ASPRV1: variants seen among roughly 807,000 people sequenced by gnomAD.
ASPRV1 encodes retroviral-like aspartic protease 1.
A neutral mutation model predicts 11.0 loss-of-function variants in ASPRV1; 7 were observed. The observed-to-expected ratio is 0.64, with a 90% CI of 0.36 to 1.20. ASPRV1 has a LOEUF of 1.20. Ranked by LOEUF, ASPRV1 falls within the 50% of genes most tolerant of loss-of-function variation. The probability of loss-of-function intolerance (pLI) is 0.02; values close to 1 mark genes in which losing one functional copy is unlikely to be tolerated. For synonymous variants in ASPRV1, 136 were observed against 138.4 expected (o/e 0.98, Z 0.12); for missense variants, 299 against 320.0 (o/e 0.93, Z 0.50).
the ASPRV1 span, among the ~76,000 whole-genome samples, chr2:70,010,515 AG>A: frequency 6.6e-6 from 1 of 152,160 alleles, no homozygotes; most frequent in Non-Finnish European, 1.5e-5. Context: ...CAATGAATAC[AG>A]GGGAGTGGCA....
At chr2:69,940,933 C>G in the ASPRV1 span, 2 of 152,676 alleles carry the variant, frequency 1.3e-5, no homozygotes, top group African/African-American at 4.8e-5. Flanking sequence ...CTCTCTCATT[C>G]ACTGATCCAC....
upstream of ASPRV1, among the ~76,000 whole-genome samples, chr2:69,965,001 T>G (rs1433105451): frequency 6.6e-6 from 1 of 152,194 alleles, no homozygotes; most frequent in Non-Finnish European, 1.5e-5. Flanking sequence ...TCGGGCCTCC[T>G]GAGACCTGAA....
the ASPRV1 span, among the ~76,000 whole-genome samples, chr2:70,022,546 G>A: frequency 6.6e-6 from 1 of 152,000 alleles, no homozygotes; most frequent in East Asian, 2.0e-4. Flanking sequence ...AAAGTTAGTG[G>A]GGGCATGGTG....
At chr2:69,966,924 G>A in the ASPRV1 span, among the ~76,000 whole-genome samples, 103 of 152,300 alleles carry the variant, frequency 6.8e-4, no homozygotes, top group Non-Finnish European at 1.3e-3. Flanking sequence ...AAGTGATCCA[G>A]AAGATGTGGG....
At chr2:70,080,258 C>G in the ASPRV1 span, among the ~76,000 whole-genome samples, 1 of 150,956 alleles carries the variant, frequency 6.6e-6, no homozygotes, top group Non-Finnish European at 1.5e-5. Context: ...GACAGTTTCA[C>G]TCTTGTTGCC....
the ASPRV1 span, chr2:69,938,265 A>AG: frequency 6.2e-7 from 1 of 1,614,186 alleles, no homozygotes; most frequent in Admixed American, 1.7e-5. Flanking sequence ...GACAGTCACA[A>AG]GGCGTGTCTT....
the ASPRV1 span, chr2:70,011,577 G>A: frequency 2.0e-5 from 3 of 152,436 alleles, no homozygotes; most frequent in Non-Finnish European, 2.9e-5. Context: ...GATTAACCAA[G>A]ACTGTCTATT....
the ASPRV1 span, among the ~76,000 whole-genome samples, chr2:69,979,502 G>A: frequency 5.3e-5 from 8 of 152,208 alleles, no homozygotes; most frequent in African/African-American, 1.7e-4. Flanking sequence ...GCAGAGGCCT[G>A]TACTATGTCC....
the ASPRV1 span, among the ~76,000 whole-genome samples, chr2:70,017,471 A>C: frequency 6.6e-6 from 1 of 151,654 alleles, no homozygotes; most frequent in Non-Finnish European, 1.5e-5. Flanking sequence ...TCGTAAGATT[A>C]GTAATAAGAC....
At chr2:70,004,340 G>C in the ASPRV1 span, among the ~76,000 whole-genome samples, 5,712 of 152,014 alleles carry the variant, frequency 0.038, 370 homozygotes, top group African/African-American at 0.13. Flanking sequence ...GACCATCCTG[G>C]CCAACATGGT....
the ASPRV1 span, among the ~76,000 whole-genome samples, chr2:70,065,080 G>A: frequency 1.3e-5 from 2 of 151,284 alleles, no homozygotes; most frequent in African/African-American, 4.9e-5. Context: ...GGGCAACAGA[G>A]CCAGACTCCA....
the ASPRV1 span, among the ~76,000 whole-genome samples, chr2:70,067,388 T>C: frequency 6.6e-6 from 1 of 152,234 alleles, no homozygotes; most frequent in Non-Finnish European, 1.5e-5. Context: ...TAATCTGGTC[T>C]AGAGATCTGG....
the ASPRV1 span, among the ~76,000 whole-genome samples, chr2:69,998,964 G>A: frequency 2.0e-5 from 3 of 152,212 alleles, no homozygotes; most frequent in Non-Finnish European, 4.4e-5. Flanking sequence ...CAGCGACACA[G>A]GGACTCTGAG....
the ASPRV1 span, among the ~76,000 whole-genome samples, chr2:69,973,025 A>C: frequency 6.6e-6 from 1 of 152,138 alleles, no homozygotes; most frequent in Admixed American, 6.5e-5. Flanking sequence ...CCTCAGACTA[A>C]GGCAACCTGC....
At chr2:70,057,101 G>T in the ASPRV1 span, among the ~76,000 whole-genome samples, 4 of 151,732 alleles carry the variant, frequency 2.6e-5, no homozygotes, top group Non-Finnish European at 4.4e-5. Flanking sequence ...CAACAGAGAA[G>T]GATATTAAAA....
the ASPRV1 span, among the ~76,000 whole-genome samples, chr2:69,971,468 C>T: frequency 1.3e-5 from 2 of 152,146 alleles, no homozygotes; most frequent in Non-Finnish European, 2.9e-5. Context: ...AACGTTAGGA[C>T]CCTGCCTCTC....
Position 69,961,472 on chromosome 2 carries a change from A to C in ASPRV1, c.-36T>G. 6.2e-7 allele frequency: 1 copy of C among 1,613,906 alleles called. No homozygotes were observed. Among genetic ancestry groups the C allele is most frequent in the Non-Finnish European group, 8.5e-7 (1 of 1,180,000 alleles). On this transcript the variant is annotated 5_prime_UTR_variant, in exon 1 of 1. Transcript: ENST00000320256. ...TCCTCTGGAACCTCAGCAGCAACCC[A>C]CGCCAAGAAGAGAAACCCACAGAGC...
the ASPRV1 span, chr2:70,029,956 C>T: frequency 6.6e-6 from 1 of 152,188 alleles, no homozygotes; most frequent in Non-Finnish European, 1.5e-5. Flanking sequence ...CTTCCCCTCC[C>T]TTTGCTCTGT....
At chr2:69,958,280 C>T (rs149640153), downstream of ASPRV1, among the ~76,000 whole-genome samples, 337 of 152,154 alleles carry the variant, frequency 2.2e-3, 1 homozygote, top group African/African-American at 7.5e-3. Flanking sequence ...CCATGGGGGC[C>T]ATGCTTCAGA....
Sources: allele counts gnomAD v4.1 joint callset (sites outside exome capture counted in the v4.1 genomes callset), GRCh38; gene constraint gnomAD v4.1.1; transcripts MANE v1.5; gene names NCBI Gene and HGNC (gene_info 2026-07-23, HGNC 2026-07-21).